Variants in ZXDC observed in about 807,000 individuals in gnomAD.
ZXDC encodes the protein zinc finger protein ZXDC.
A neutral mutation model predicts 63.6 loss-of-function variants in ZXDC; 58 were observed. The ratio of observed to expected loss-of-function variants is 0.91; its 90% CI spans 0.74 to 1.13. The LOEUF (loss-of-function observed/expected upper bound fraction) is 1.13, where lower values mean the gene tolerates loss of function less well. Ranked by LOEUF, ZXDC falls within the 50% of genes most tolerant of loss-of-function variation. ZXDC has a pLI of 0.00. For synonymous variants in ZXDC, 561 were observed against 496.1 expected (o/e 1.13, Z -1.74); for missense variants, 1,133 against 1,148.9 (o/e 0.99, Z 0.20).
chr3:126,465,444 C>A (rs1467451366), intron 5 of ZXDC, among the ~76,000 whole-genome samples: 1 of 152,220 alleles, frequency 6.6e-6, no homozygotes, highest in African/African-American at 2.4e-5. Flanking sequence ...TCTAACCCTG[C>A]CCTCTCCAGC....
chr3:126,447,562 A>T (rs1413722813), intron 7 of ZXDC, among the ~76,000 whole-genome samples: 1 of 152,156 alleles, frequency 6.6e-6, no homozygotes, highest in African/African-American at 2.4e-5. Context: ...CTTCCATAAA[A>T]GTGTCAAATA....
At chr3:126,458,814 T>C in intron 7 of ZXDC, 1 of 985,482 alleles carries the variant, frequency 1.0e-6, no homozygotes, top group Non-Finnish European at 1.2e-6. Context: ...ATTCTGGTAC[T>C]TTGTGAACTG....
At chr3:126,454,830 C>A (rs1934245062) in intron 7 of ZXDC, 1 of 985,230 alleles carries the variant, frequency 1.0e-6, no homozygotes, top group Non-Finnish European at 1.2e-6. Flanking sequence ...CATTTTTACA[C>A]TGAGAGAAAA....
rs895081271 is a variant in ZXDC at position 126,462,363 on chromosome 3, C to T, written c.1442-143G>A. 9 of 1,397,724 alleles carry T rather than the reference C, an allele frequency of 6.4e-6. No homozygotes were observed. In the Admixed American group the frequency reaches 2.6e-4, roughly 40 times the overall value. 86.6% of individuals were successfully genotyped at this position (1,397,724 alleles called of 1,614,324 possible). Reference sequence around the variant, plus strand: ...ACACCCTGAAGCTTGGTTATCACGACAGAGTCCCATGGCCGGTCGCTCAGG... The same window carrying T: ...ACACCCTGAAGCTTGGTTATCACGATAGAGTCCCATGGCCGGTCGCTCAGG... On this transcript the variant is annotated intron_variant, in intron 5 of 9. Transcript: ENST00000389709.
At chr3:126,441,476 G>A in intron 8 of ZXDC, 4 of 1,196,392 alleles carry the variant, frequency 3.3e-6, no homozygotes, top group Non-Finnish European at 4.1e-6. Context: ...CAGGGAGGCG[G>A]GCTACTCTGG....
intron 7 of ZXDC, chr3:126,451,125 G>C: frequency 2.0e-6 from 2 of 985,410 alleles, no homozygotes; most frequent in Non-Finnish European, 2.4e-6. Flanking sequence ...TCACCATTTT[G>C]ATGGTAGCTC....
rs7615489 is a variant in ZXDC, at chr3:126,472,599, G to A, written c.908-294C>T. Among the ~76,000 whole-genome samples the A allele has an allele frequency of 6.8e-3, 1,038 of 152,272 alleles. 10 individuals are homozygous for A. The highest frequency in any genetic ancestry group is 0.024 in the African/African-American group (987 of 41,550). On this transcript the variant is annotated intron_variant, in intron 1 of 9. Transcript: ENST00000389709. ...TCACAGCCATCTACTGGCCGGCTCCGGAGCACTGATCCTGCACACACACTG... is the reference window on the plus strand; with the variant it reads ...TCACAGCCATCTACTGGCCGGCTCCAGAGCACTGATCCTGCACACACACTG...
chr3:126,467,453 C>A (rs945115470), intron 4 of ZXDC, among the ~76,000 whole-genome samples: 1 of 152,154 alleles, frequency 6.6e-6, no homozygotes, highest in East Asian at 1.9e-4. Context: ...GCAAGTGGTG[C>A]GAGCAACGAC....
intron 6 of ZXDC, chr3:126,460,014 T>G (rs2107645986): frequency 1.0e-6 from 1 of 985,446 alleles, no homozygotes; most frequent in South Asian, 4.7e-5. Context: ...AACAGAAACT[T>G]TTAAAATCAA....
At chr3:126,453,223 T>C in intron 7 of ZXDC, 2 of 985,392 alleles carry the variant, frequency 2.0e-6, no homozygotes, top group Non-Finnish European at 2.4e-6. Flanking sequence ...ACAGTTAACA[T>C]GATATCTGTT....
At chr3:126,472,118 T>C (rs1443629202) in intron 2 of ZXDC, 35 bp downstream of exon 2, 13 of 1,608,544 alleles carry the variant, frequency 8.1e-6, no homozygotes, top group Non-Finnish European at 1.1e-5. Context: ...AGACAAATCT[T>C]GGGTCCAAAT....
chr3:126,452,399 T>C (rs1934142897), intron 7 of ZXDC: 1 of 985,318 alleles, frequency 1.0e-6, no homozygotes, highest in African/African-American at 1.7e-5. Flanking sequence ...CTGTGGGCTC[T>C]GCCATCGAGA....
intron 7 of ZXDC, chr3:126,452,620 G>A (rs915245322): frequency 6.3e-6 from 6 of 945,676 alleles, no homozygotes; most frequent in Non-Finnish European, 6.3e-6. Context: ...TCATTCTCAA[G>A]CTATCTGATT....
At chr3:126,462,328 T>C in intron 5 of ZXDC, 108 bp from the exon 6 acceptor site, 1 of 1,457,700 alleles carries the variant, frequency 6.9e-7, no homozygotes, top group Non-Finnish European at 9.0e-7. Context: ...GCACTGACTG[T>C]CCTCTTCCCA....
At chr3:126,472,416 A>C in intron 1 of ZXDC, 111 bp from the exon 2 acceptor site, 1 of 1,348,900 alleles carries the variant, frequency 7.4e-7, no homozygotes, top group Non-Finnish European at 1.0e-6. Context: ...ACAAGGGAAA[A>C]CATGACTCAG....
rs1191703315 is a variant in ZXDC at position 126,438,115 on chromosome 3, T to C, written c.*260A>G. ...CGGGACACGGGGAAAGAGGCTGTAG[T>C]GCACCTAGCCCTGCTGAGGGAGACC... is the stretch of plus-strand genomic sequence containing the variant. On this transcript the variant is annotated 3_prime_UTR_variant, in exon 10 of 10. Coordinates refer to ENST00000389709, the MANE Select transcript of ZXDC (RefSeq NM_025112.5). 3 of 540,354 alleles carry C rather than the reference T, an allele frequency of 5.6e-6. No homozygotes were observed. The highest frequency in any genetic ancestry group is 6.5e-5 in the East Asian group (2 of 30,856). The allele number at this position is 540,354 out of a possible 1,614,324, so 33.5% of individuals were successfully genotyped here. A position where few individuals can be genotyped will look rare whatever the true frequency, so the allele number is the denominator to read the frequency against.
rs763413192 is a variant in ZXDC at position 126,471,986 on chromosome 3, G to C, written c.1126C>G (p.Leu376Val). ...GWTFTSMSKL[L>V]RHRRKHDDDR... is the part of the protein sequence containing the mutation. ...TGTAAGGATTACCTTCTGTGCCTTA[G>C]AAGTTTGGACATGCTGGTGAAGGTC... Residue 376 changes from leucine (L) to valine (V), a missense_variant, in exon 3 of 10, where the codon CTA becomes GTA. Transcript: ENST00000389709. 1 of 1,613,140 alleles carries C rather than the reference G, an allele frequency of 6.2e-7. No homozygotes were observed. Among genetic ancestry groups the C allele is most frequent in the East Asian group, 2.2e-5 (1 of 44,878 alleles).
intron 6 of ZXDC, chr3:126,461,167 T>C: frequency 2.0e-6 from 2 of 1,003,022 alleles, no homozygotes; most frequent in Non-Finnish European, 2.4e-6. Flanking sequence ...AGGTGGCTTA[T>C]GTCTCGACTC....
chr3:126,439,000 T>C (rs1056689435), intron 9 of ZXDC, among the ~76,000 whole-genome samples: 7 of 152,332 alleles, frequency 4.6e-5, no homozygotes, highest in Admixed American at 4.6e-4. Context: ...CAGACACTTC[T>C]GAAGTTCTCT....
Sources: gnomAD v4.1 joint callset for allele counts (sites outside exome capture counted in the v4.1 genomes callset) on GRCh38, gnomAD v4.1.1 for gene constraint, MANE v1.5 for transcripts, NCBI Gene and HGNC (gene_info 2026-07-23, HGNC 2026-07-21) for gene names.